The following FGD3 variants were observed in gnomAD, a reference collection of about 807,000 sequenced individuals.
FGD3 encodes the protein FYVE, RhoGEF and PH domain-containing protein 3.
FGD3 carries 45 observed loss-of-function variants against 71.8 expected under a neutral mutation model. That is an observed-to-expected ratio of 0.63 (90% CI 0.49 to 0.80). The LOEUF (loss-of-function observed/expected upper bound fraction) is 0.80. Ranked by LOEUF, FGD3 falls within the 30% of genes least tolerant of loss-of-function variation. The pLI, the probability that FGD3 is intolerant of heterozygous loss-of-function variation, is 0.00. For missense variants in FGD3, 844 were observed against 951.5 expected (o/e 0.89, Z 1.49); for synonymous variants, 378 against 392.8 (o/e 0.96, Z 0.44).
Position 93,032,694 on chromosome 9 carries a change from C to T in FGD3, c.1681-75C>T, listed in dbSNP as rs544184221. On this transcript the variant is annotated intron_variant, in intron 15 of 17. Transcript: ENST00000375482. ...CCGCCCACTCCACCTCCCGCCCACTCTACCTCCTCTGGCATCTTCCTGGAT... is the reference window on the plus strand; with the variant it reads ...CCGCCCACTCCACCTCCCGCCCACTTTACCTCCTCTGGCATCTTCCTGGAT... 1.1e-4 allele frequency: 160 copies of T among 1,411,900 alleles called. No individual in the cohort carries two copies. In the African/African-American group the frequency reaches 2.1e-3, roughly 18 times the overall value. The allele number at this position is 1,411,900 out of a possible 1,614,324, so 87.5% of individuals were successfully genotyped here. A position where few individuals can be genotyped will look rare whatever the true frequency, so the allele number is the denominator to read the frequency against.
chr9:93,006,378 C>T (rs917006263), intron 6 of FGD3, among the ~76,000 whole-genome samples, 198 bp downstream of exon 6: 1 of 152,162 alleles, frequency 6.6e-6, no homozygotes, highest in African/African-American at 2.4e-5. Flanking sequence ...TTGAGCCTTA[C>T]AATAACTCCC....
At chr9:93,018,678 G>A (rs1434539958) in intron 11 of FGD3, among the ~76,000 whole-genome samples, 1 of 152,148 alleles carries the variant, frequency 6.6e-6, no homozygotes, top group Non-Finnish European at 1.5e-5. Context: ...TAAAACAAAT[G>A]TTAACTTTCA....
At chr9:92,984,007 G>T (rs771936536) in intron 3 of FGD3, among the ~76,000 whole-genome samples, 2 of 152,176 alleles carry the variant, frequency 1.3e-5, no homozygotes, top group Non-Finnish European at 2.9e-5. Context: ...GAAAAACCTG[G>T]TAAGTAAGCA....
chr9:93,024,927 G>A (rs889955938), intron 14 of FGD3, among the ~76,000 whole-genome samples: 3 of 152,250 alleles, frequency 2.0e-5, no homozygotes, highest in Non-Finnish European at 4.4e-5. Flanking sequence ...AGCAAATGCC[G>A]CCTCTTGAGC....
chr9:92,972,141 C>T (rs1423406729), intron 1 of FGD3, among the ~76,000 whole-genome samples: 1 of 151,820 alleles, frequency 6.6e-6, no homozygotes, highest in Non-Finnish European at 1.5e-5. Context: ...ATTCTATTCC[C>T]TTTTTAAAAA....
At chr9:92,998,388 T>A (rs1047231958) in intron 3 of FGD3, among the ~76,000 whole-genome samples, 1 of 152,190 alleles carries the variant, frequency 6.6e-6, no homozygotes, top group Non-Finnish European at 1.5e-5. Context: ...TTTTCAAGGT[T>A]TTTAGCTTCT....
intron 1 of FGD3, among the ~76,000 whole-genome samples, chr9:92,962,123 C>T (rs1018008125): frequency 6.6e-6 from 1 of 152,200 alleles, no homozygotes; most frequent in Non-Finnish European, 1.5e-5. Flanking sequence ...CCACTCACCC[C>T]AACCAGGGAC....
chr9:92,973,075 T>G (rs1176081669), intron 1 of FGD3, among the ~76,000 whole-genome samples: 9 of 151,870 alleles, frequency 5.9e-5, no homozygotes, highest in Non-Finnish European at 2.9e-5. Context: ...TTTTTTCTCT[T>G]CATTAGTTAT....
intron 10 of FGD3, among the ~76,000 whole-genome samples, chr9:93,017,105 T>C (rs904583502): frequency 3.9e-5 from 6 of 152,122 alleles, no homozygotes; most frequent in African/African-American, 1.2e-4. Context: ...CGTGTCTCTA[T>C]AAAAAATAAA....
At chr9:93,028,224 A>ACG (rs1564171479) in intron 14 of FGD3, among the ~76,000 whole-genome samples, 11 of 146,954 alleles carry the variant, frequency 7.5e-5, no homozygotes, top group South Asian at 2.2e-4. Context: ...ACACGCACAC[A>ACG]CACACACACA....
chr9:93,005,669 TTG>T (rs1861022796), intron 5 of FGD3, among the ~76,000 whole-genome samples: 1 of 152,264 alleles, frequency 6.6e-6, no homozygotes, highest in Non-Finnish European at 1.5e-5. Flanking sequence ...TTTCTAATCT[TTG>T]CCCATTTAAA....
intron 1 of FGD3, among the ~76,000 whole-genome samples, chr9:92,957,667 A>ATTTTC (rs1336966199): frequency 2.3e-5 from 3 of 130,136 alleles, no homozygotes; most frequent in African/African-American, 5.9e-5. Flanking sequence ...TGTCTTTGAA[A>ATTTTC]TTTTCTTTTC....
chr9:93,006,165 C>G lies in FGD3; in HGVS notation c.822C>G (p.Val274=). 6.3e-7 allele frequency: 1 copy of G among 1,588,078 alleles called. No homozygotes were observed. Among genetic ancestry groups the G allele is most frequent in the Non-Finnish European group, 8.6e-7 (1 of 1,164,270 alleles). ...AGCGCTCCCCACTGTTTAAAGACGTCGTCCACAGCATCCAGGTAAGGCCGG... is the reference window on the plus strand; with the variant it reads ...AGCGCTCCCCACTGTTTAAAGACGTGGTCCACAGCATCCAGGTAAGGCCGG... ...WTQRSPLFKD[V]VHSIQKQEVC... is the part of the protein sequence containing the mutation. The change falls in exon 6 of 18, where the codon GTC becomes GTG. Residue 274 remains valine, a synonymous_variant. Coordinates refer to ENST00000375482, the MANE Select transcript of FGD3 (RefSeq NM_001083536.2).
chr9:93,001,990 G>C (rs1370027429), intron 3 of FGD3, among the ~76,000 whole-genome samples: 6 of 152,150 alleles, frequency 3.9e-5, no homozygotes, highest in Non-Finnish European at 7.3e-5. Context: ...ACTATGTGAG[G>C]GGATAGTGTT....
intron 3 of FGD3, among the ~76,000 whole-genome samples, chr9:92,990,272 T>C (rs535658635): frequency 1.3e-5 from 2 of 152,230 alleles, no homozygotes; most frequent in African/African-American, 4.8e-5. Flanking sequence ...ACCTTGTCTA[T>C]ACAAAAAAAT....
chr9:93,026,811 GTGT>G (rs1862131278), intron 14 of FGD3, among the ~76,000 whole-genome samples: 1 of 152,244 alleles, frequency 6.6e-6, no homozygotes, highest in Admixed American at 6.5e-5. Flanking sequence ...GGCACGCCCT[GTGT>G]TGTTCTCAGC....
intron 1 of FGD3, among the ~76,000 whole-genome samples, chr9:92,956,919 A>G (rs1859064156): frequency 6.7e-6 from 1 of 148,888 alleles, no homozygotes; most frequent in South Asian, 2.1e-4. Context: ...GCTCACTGCA[A>G]CCTTGACCTC....
intron 1 of FGD3, among the ~76,000 whole-genome samples, chr9:92,973,192 G>A (rs4424328): frequency 0.53 from 76,131 of 143,802 alleles, 19,791 homozygotes; most frequent in Middle Eastern, 0.63. Flanking sequence ...TCAGCTCACC[G>A]CAACATCCGC....
chr9:93,004,667 C>T (rs7043408), intron 5 of FGD3, among the ~76,000 whole-genome samples: 5,384 of 152,214 alleles, frequency 0.035, 115 homozygotes, highest in Middle Eastern at 0.071. Flanking sequence ...CAGTTCCCCA[C>T]GTTGCGTGTT....
Sources: allele counts gnomAD v4.1 joint callset (sites outside exome capture counted in the v4.1 genomes callset), GRCh38; gene constraint gnomAD v4.1.1; transcripts MANE v1.5; gene names NCBI Gene and HGNC (gene_info 2026-07-23, HGNC 2026-07-21).